The following CNTLN variants were observed in gnomAD, a reference collection of about 807,000 sequenced individuals.
The protein encoded by CNTLN is centlein.
A neutral mutation model predicts 180.0 loss-of-function variants in CNTLN; 212 were observed. The observed-to-expected ratio is 1.18, with a 90% confidence interval of 1.05 to 1.32. CNTLN has a LOEUF of 1.32. Among genes scored for constraint, CNTLN ranks in the 40% most tolerant of loss-of-function variants. The probability of loss-of-function intolerance (pLI) is 0.00; values close to 1 mark genes in which losing one functional copy is unlikely to be tolerated. For missense variants in CNTLN, 2,095 were observed against 1,610.9 expected (o/e 1.30, Z -5.14); for synonymous variants, 722 against 563.1 (o/e 1.28, Z -3.99).
intron 15 of CNTLN, among the ~76,000 whole-genome samples, chr9:17,403,487 C>G (rs1299173808): frequency 6.6e-6 from 1 of 151,466 alleles, no homozygotes; most frequent in Non-Finnish European, 1.5e-5. Flanking sequence ...GGAAACCAAC[C>G]AGTCTCTTAG....
At chr9:17,384,660 A>C (rs1295707393) in intron 13 of CNTLN, among the ~76,000 whole-genome samples, 1 of 152,164 alleles carries the variant, frequency 6.6e-6, no homozygotes, top group Non-Finnish European at 1.5e-5. Context: ...TAGTTGGCTG[A>C]TCTGACTTTA....
chr9:17,326,140 G>A (rs562013038), intron 8 of CNTLN, among the ~76,000 whole-genome samples: 61 of 152,162 alleles, frequency 4.0e-4, no homozygotes, highest in Non-Finnish European at 7.8e-4. Flanking sequence ...ATAAAGTTAT[G>A]TGTTAACAAT....
chr9:17,339,769 T>C (rs986945787), intron 10 of CNTLN, among the ~76,000 whole-genome samples: 1 of 152,222 alleles, frequency 6.6e-6, no homozygotes, highest in Non-Finnish European at 1.5e-5. Flanking sequence ...GTCATGTGCA[T>C]ATATCTTCTG....
intron 23 of CNTLN, among the ~76,000 whole-genome samples, chr9:17,476,766 C>T (rs969852127): frequency 7.2e-5 from 11 of 152,144 alleles, no homozygotes; most frequent in African/African-American, 2.7e-4. Flanking sequence ...AGGAAGCCAC[C>T]TACATAACCT....
chr9:17,193,898 C>T (rs112732000), intron 2 of CNTLN, among the ~76,000 whole-genome samples: 416 of 152,340 alleles, frequency 2.7e-3, no homozygotes, highest in Non-Finnish European at 5.0e-3. Context: ...GAAATCTAGG[C>T]GGAAGTTTCC....
At chr9:17,245,076 A>G (rs1159806414) in intron 5 of CNTLN, among the ~76,000 whole-genome samples, 1 of 152,192 alleles carries the variant, frequency 6.6e-6, no homozygotes, top group African/African-American at 2.4e-5. Flanking sequence ...CGAGTAGTTT[A>G]CACTACAATT....
intron 18 of CNTLN, among the ~76,000 whole-genome samples, chr9:17,438,149 T>A (rs1453762805): frequency 1.3e-5 from 2 of 152,144 alleles, no homozygotes; most frequent in Admixed American, 6.5e-5. Flanking sequence ...TAAATTTGAA[T>A]ATCTAAGAGT....
chr9:17,326,756 T>A (rs1488274269), intron 8 of CNTLN, among the ~76,000 whole-genome samples: 2 of 152,042 alleles, frequency 1.3e-5, no homozygotes, highest in Non-Finnish European at 2.9e-5. Context: ...TGATCTTCCT[T>A]CTCAAAACTC....
chr9:17,274,325 C>T (rs1225899046), intron 6 of CNTLN, among the ~76,000 whole-genome samples: 1 of 148,458 alleles, frequency 6.7e-6, no homozygotes, highest in African/African-American at 2.6e-5. Context: ...AAAAAGGAAG[C>T]ACGATACTCT....
chr9:17,220,212 C>T (rs1288443908), intron 2 of CNTLN, among the ~76,000 whole-genome samples: 1 of 151,978 alleles, frequency 6.6e-6, no homozygotes, highest in Non-Finnish European at 1.5e-5. Context: ...TGTGTACATA[C>T]TTGTGTCATA....
At chr9:17,163,937 T>C (rs536608092) in intron 2 of CNTLN, among the ~76,000 whole-genome samples, 2 of 151,922 alleles carry the variant, frequency 1.3e-5, no homozygotes, top group South Asian at 2.1e-4. Flanking sequence ...GAGGATAGCT[T>C]GAGCCCAGGA....
At chr9:17,250,296 A>G (rs1474421623) in intron 5 of CNTLN, among the ~76,000 whole-genome samples, 1 of 151,808 alleles carries the variant, frequency 6.6e-6, no homozygotes, top group East Asian at 1.9e-4. Context: ...ATTGTTGTAG[A>G]ATGTTTTCTT....
chr9:17,291,182 G>T (rs1161081896), intron 6 of CNTLN, among the ~76,000 whole-genome samples: 2 of 152,124 alleles, frequency 1.3e-5, no homozygotes, highest in African/African-American at 4.8e-5. Context: ...TATGATTTCA[G>T]TTCTTTTGTA....
At chr9:17,181,158 T>C (rs1283562042) in intron 2 of CNTLN, among the ~76,000 whole-genome samples, 1 of 152,226 alleles carries the variant, frequency 6.6e-6, no homozygotes, top group African/African-American at 2.4e-5. Flanking sequence ...CTTTCTCTTC[T>C]ACCTAGGCTC....
intron 2 of CNTLN, among the ~76,000 whole-genome samples, chr9:17,195,500 G>A (rs903728520): frequency 6.6e-6 from 1 of 152,048 alleles, no homozygotes; most frequent in Non-Finnish European, 1.5e-5. Flanking sequence ...TTATTGTCTT[G>A]AGTCTTCTTG....
intron 23 of CNTLN, among the ~76,000 whole-genome samples, chr9:17,482,028 C>T (rs751051567): frequency 2.8e-4 from 43 of 152,030 alleles, no homozygotes; most frequent in Admixed American, 1.4e-3. Flanking sequence ...TGCAAAGATA[C>T]AGGGATATGA....
chr9:17,199,486 C>G (rs1307268075), intron 2 of CNTLN, among the ~76,000 whole-genome samples: 1 of 152,172 alleles, frequency 6.6e-6, no homozygotes, highest in Admixed American at 6.6e-5. Context: ...GCTGGGATTA[C>G]AGGCGTAAGC....
At chr9:17,435,810 G>A (rs544081493) in intron 18 of CNTLN, among the ~76,000 whole-genome samples, 33 of 152,192 alleles carry the variant, frequency 2.2e-4, no homozygotes, top group Middle Eastern at 3.4e-3. Context: ...TGATCCACCC[G>A]TCTTGGCCTC....
chr9:17,353,879 C>G (rs996957126), intron 12 of CNTLN, among the ~76,000 whole-genome samples: 1 of 152,212 alleles, frequency 6.6e-6, no homozygotes, highest in Admixed American at 6.5e-5. Flanking sequence ...GTGGGAGCCC[C>G]TTTCTGGGCT....
Sources: allele counts gnomAD v4.1 joint callset (sites outside exome capture counted in the v4.1 genomes callset), GRCh38; gene constraint gnomAD v4.1.1; transcripts MANE v1.5; gene names NCBI Gene and HGNC (gene_info 2026-07-23, HGNC 2026-07-21).